Variants in FSTL4 observed in about 807,000 individuals in gnomAD.
The protein encoded by FSTL4 is follistatin like 4, also known as follistatin-related protein 4.
A neutral mutation model predicts 78.2 loss-of-function variants in FSTL4; 28 were observed. The observed-to-expected ratio is 0.36, with a 90% CI of 0.27 to 0.49. The LOEUF is 0.49. Ranked by LOEUF, FSTL4 falls within the 20% of genes least tolerant of loss-of-function variation. The pLI is 0.98. For synonymous variants in FSTL4, 422 were observed against 440.5 expected (o/e 0.96, Z 0.53); for missense variants, 922 against 1,084.9 (o/e 0.85, Z 2.11).
At chr5:133,671,161 A>T in the FSTL4 span, among the ~76,000 whole-genome samples, 1 of 152,186 alleles carries the variant, frequency 6.6e-6, no homozygotes, top group African/African-American at 2.4e-5. Flanking sequence ...CTGATGGCAG[A>T]CAGCCTCTGG....
At chr5:133,691,313 C>A in the FSTL4 span, among the ~76,000 whole-genome samples, 1 of 152,100 alleles carries the variant, frequency 6.6e-6, no homozygotes, top group Non-Finnish European at 1.5e-5. Flanking sequence ...TCTGTTGCAG[C>A]CTCCAGAAAC....
chr5:133,609,852 A>G (rs536975793), intron 1 of FSTL4, among the ~76,000 whole-genome samples: 14 of 152,304 alleles, frequency 9.2e-5, no homozygotes, highest in African/African-American at 3.1e-4. Flanking sequence ...GTTCTATTTT[A>G]TTGGAAATTC....
intron 3 of FSTL4, among the ~76,000 whole-genome samples, chr5:133,442,837 C>G (rs141955320): frequency 2.4e-3 from 370 of 152,336 alleles, no homozygotes; most frequent in African/African-American, 8.5e-3. Context: ...ATTAGCATCT[C>G]TAGACTTTAT....
chr5:133,453,059 G>T (rs909785745), intron 3 of FSTL4, among the ~76,000 whole-genome samples: 1 of 152,070 alleles, frequency 6.6e-6, no homozygotes, highest in African/African-American at 2.4e-5. Flanking sequence ...GCTCAAAAAT[G>T]AATGAATGAA....
intron 4 of FSTL4, among the ~76,000 whole-genome samples, chr5:133,333,824 A>T (rs1754402805): frequency 2.0e-5 from 3 of 152,210 alleles, no homozygotes; most frequent in Non-Finnish European, 4.4e-5. Flanking sequence ...GGGAAAGGAA[A>T]TCTGGAAAGA....
chr5:133,617,196 G>A (rs551431544), upstream of FSTL4, among the ~76,000 whole-genome samples: 1 of 151,728 alleles, frequency 6.6e-6, no homozygotes, highest in East Asian at 1.9e-4. Flanking sequence ...CTACTCAGGA[G>A]GCTGAGGCAG....
chr5:133,804,892 C>CG, the FSTL4 span, among the ~76,000 whole-genome samples: 1 of 128,184 alleles, frequency 7.8e-6, no homozygotes, highest in Non-Finnish European at 1.5e-5. Context: ...TGCAGTGAGC[C>CG]AAATCGTGCC....
chr5:133,376,725 C>T (rs569486697), intron 4 of FSTL4, among the ~76,000 whole-genome samples: 58 of 152,102 alleles, frequency 3.8e-4, no homozygotes, highest in African/African-American at 1.4e-3. Context: ...TCCGTCTCTA[C>T]TAAAAATACA....
At chr5:133,672,031 G>A in the FSTL4 span, among the ~76,000 whole-genome samples, 1 of 152,200 alleles carries the variant, frequency 6.6e-6, no homozygotes, top group Non-Finnish European at 1.5e-5. Context: ...CCTTTGAAGA[G>A]GAACCTCTAC....
At chr5:133,249,750 C>T (rs974645908) in intron 6 of FSTL4, among the ~76,000 whole-genome samples, 174 bp from the exon 7 acceptor site, 1 of 152,200 alleles carries the variant, frequency 6.6e-6, no homozygotes, top group African/African-American at 2.4e-5. Flanking sequence ...TTTTGCTGGG[C>T]GAGGAGCCAA....
At chr5:133,367,238 G>C (rs1295740510) in intron 4 of FSTL4, among the ~76,000 whole-genome samples, 1 of 152,184 alleles carries the variant, frequency 6.6e-6, no homozygotes, top group Non-Finnish European at 1.5e-5. Context: ...AAAGACTCAA[G>C]TCAGCCAGTA....
chr5:133,719,723 A>T, the FSTL4 span, among the ~76,000 whole-genome samples: 7 of 151,468 alleles, frequency 4.6e-5, no homozygotes, highest in Non-Finnish European at 7.4e-5. Context: ...GCAATGAAAT[A>T]GTTCCTTATT....
chr5:133,455,221 C>G (rs541991798), intron 3 of FSTL4, among the ~76,000 whole-genome samples: 3 of 152,222 alleles, frequency 2.0e-5, no homozygotes, highest in Non-Finnish European at 4.4e-5. Context: ...CCTCTTTATT[C>G]CTTCATCTAC....
chr5:133,743,815 G>T, the FSTL4 span, among the ~76,000 whole-genome samples: 1 of 152,140 alleles, frequency 6.6e-6, no homozygotes, highest in South Asian at 2.1e-4. Context: ...TTTCCATTTG[G>T]TTCCCATACC....
the FSTL4 span, among the ~76,000 whole-genome samples, chr5:133,659,485 T>A: frequency 6.6e-6 from 1 of 152,038 alleles, no homozygotes; most frequent in Non-Finnish European, 1.5e-5. Flanking sequence ...GTTTGGTTTT[T>A]ATCTTGATTG....
chr5:133,667,658 C>G, the FSTL4 span, among the ~76,000 whole-genome samples: 1 of 152,208 alleles, frequency 6.6e-6, no homozygotes, highest in Non-Finnish European at 1.5e-5. Context: ...CTCACCTCAT[C>G]AAGTCCCCAC....
At position 133,345,364 on chromosome 5, in the gene FSTL4, C is replaced by T. The variant is rs1164253192; in HGVS notation, c.410-28712G>A. 3.9e-5 allele frequency among the ~76,000 whole-genome samples: 6 copies of T among 152,070 alleles called. No individual in the cohort carries two copies. In the East Asian group the frequency reaches 9.6e-4, roughly 24 times the overall value. On this transcript the variant is annotated intron_variant, in intron 4 of 15. Coordinates refer to ENST00000265342, the MANE Select transcript of FSTL4 (RefSeq NM_015082.2). ...TAGATTGCAAAAATTTTCTCCTATT[C>T]CGTAGGTTGCCTGTTCACTCTGATG...
intron 3 of FSTL4, among the ~76,000 whole-genome samples, chr5:133,427,052 C>T (rs912832754): frequency 6.6e-6 from 1 of 152,148 alleles, no homozygotes; most frequent in Non-Finnish European, 1.5e-5. Context: ...GCTCACACTG[C>T]CCCCCAAGAC....
the FSTL4 span, among the ~76,000 whole-genome samples, chr5:133,749,606 T>A: frequency 6.6e-6 from 1 of 152,210 alleles, no homozygotes; most frequent in Non-Finnish European, 1.5e-5. Flanking sequence ...TAATAACATG[T>A]TCACATTTTG....
Sources: gnomAD v4.1 joint callset for allele counts (sites outside exome capture counted in the v4.1 genomes callset) on GRCh38, gnomAD v4.1.1 for gene constraint, MANE v1.5 for transcripts, NCBI Gene and HGNC (gene_info 2026-07-23, HGNC 2026-07-21) for gene names.